MREG: variants seen among roughly 807,000 people sequenced by gnomAD.
MREG encodes the protein dilute suppressor protein homolog.
In MREG, 31 loss-of-function variants were observed where a neutral mutation model predicts 28.5. The ratio of observed to expected loss-of-function variants is 1.09; its 90% confidence interval spans 0.82 to 1.47. The LOEUF (loss-of-function observed/expected upper bound fraction) is 1.47. Ranked by LOEUF, MREG falls within the 40% of genes most tolerant of loss-of-function variation. The pLI is 0.00. For synonymous variants in MREG, 106 were observed against 95.2 expected (o/e 1.11, Z -0.66); for missense variants, 256 against 257.4 (o/e 0.99, Z 0.04).
chr2:215,960,081 G>A (rs527771094), intron 2 of MREG, among the ~76,000 whole-genome samples: 16 of 151,818 alleles, frequency 1.1e-4, no homozygotes, highest in East Asian at 3.9e-4. Context: ...TCAGCCTCCC[G>A]AGTAGTTGGG....
upstream of MREG, chr2:216,013,652 C>A (rs1289836363): frequency 2.0e-5 from 3 of 152,384 alleles, no homozygotes; most frequent in Non-Finnish European, 1.5e-5. Flanking sequence ...GAAGCAGGGA[C>A]TCCAGCCAGT....
chr2:216,014,986 A>G (rs141517505), upstream of MREG, among the ~76,000 whole-genome samples: 120 of 152,340 alleles, frequency 7.9e-4, no homozygotes, highest in Non-Finnish European at 1.4e-3. Context: ...CTTTACTCTA[A>G]TGGAGCAAAC....
intron 1 of MREG, among the ~76,000 whole-genome samples, chr2:216,023,480 C>T (rs1195703871): frequency 2.0e-5 from 3 of 152,160 alleles, no homozygotes; most frequent in Non-Finnish European, 4.4e-5. Context: ...CCTCTCTTTT[C>T]TTGGCTACCA....
rs1461202837 is a variant in MREG at position 215,947,005 on chromosome 2, A to C, written c.346+18T>G. 1.4e-6 allele frequency: 2 copies of C among 1,422,076 alleles called. No homozygotes were observed. The highest frequency in any genetic ancestry group is 2.8e-5 in the African/African-American group (2 of 70,912). The allele number at this position is 1,422,076 out of a possible 1,614,324, so 88.1% of individuals were successfully genotyped here. ...CAACGAGTTATTTTTACCATTTCAC[A>C]ATCTCTTTTAGACTTACCTAAATCT... On this transcript the variant is annotated intron_variant, in intron 3 of 4. Transcript: ENST00000263268.
In MREG at chr2:215,946,982, A is replaced by T. The variant is rs1692340292; in HGVS notation, c.346+41T>A. On this transcript the variant is annotated intron_variant, in intron 3 of 4. Transcript: ENST00000263268. ...GAGAAATTGAAGAATAATGATCACAACGAGTTATTTTTACCATTTCACAAT... is the reference window on the plus strand; with the variant it reads ...GAGAAATTGAAGAATAATGATCACATCGAGTTATTTTTACCATTTCACAAT... 4 of 1,146,694 alleles carry T rather than the reference A, an allele frequency of 3.5e-6. No homozygotes were observed. In the African/African-American group the frequency reaches 4.5e-5, roughly 13 times the overall value. The allele number at this position is 1,146,694 out of a possible 1,614,324, so 71.0% of individuals were successfully genotyped here. A position where few individuals can be genotyped will look rare whatever the true frequency, so the allele number is the denominator to read the frequency against.
chr2:216,015,482 CG>C (rs946923491), upstream of MREG, among the ~76,000 whole-genome samples: 2 of 152,048 alleles, frequency 1.3e-5, no homozygotes, highest in African/African-American at 4.8e-5. Context: ...GAACACGGGA[CG>C]TTGCAGGACA....
Position 215,996,308 on chromosome 2 carries a change from C to G in MREG, c.253G>C (p.Glu85Gln). 2.5e-6 allele frequency: 4 copies of G among 1,613,346 alleles called. No homozygotes were observed. Among genetic ancestry groups the G allele is most frequent in the Non-Finnish European group, 3.4e-6 (4 of 1,179,744 alleles). The change falls in exon 2 of 5, where the codon GAG becomes CAG. Residue 85 changes from glutamate (E) to glutamine (Q), a missense_variant and splice_region_variant. By Grantham distance (29) the Glu-to-Gln change is conservative. Transcript: ENST00000263268. ...GCAAGACATCAAAAGGTGCTCACCT[C>G]TGAGTCTTTGGCCTGCTGATTACGA... ...VIRNQQAKDS[E>Q]EWQKLNYDIH...
chr2:215,995,428 G>GA (rs1438388716), intron 2 of MREG, among the ~76,000 whole-genome samples: 1 of 151,782 alleles, frequency 6.6e-6, no homozygotes, highest in South Asian at 2.1e-4. Context: ...GTTTTTTTGG[G>GA]AAAAGAAAAG....
chr2:215,994,104 C>T (rs1487121449), intron 2 of MREG, among the ~76,000 whole-genome samples: 1 of 151,992 alleles, frequency 6.6e-6, no homozygotes, highest in African/African-American at 2.4e-5. Context: ...TATAAAGGCA[C>T]ATGCACATGT....
chr2:216,000,949 C>T (rs1693999942), intron 1 of MREG, among the ~76,000 whole-genome samples: 1 of 152,136 alleles, frequency 6.6e-6, no homozygotes, highest in Non-Finnish European at 1.5e-5. Context: ...ATCTCAGCTG[C>T]CTCCCTGGCC....
chr2:216,001,082 C>T (rs1272744731), intron 1 of MREG, among the ~76,000 whole-genome samples: 8 of 151,974 alleles, frequency 5.3e-5, no homozygotes, highest in African/African-American at 1.7e-4. Flanking sequence ...CTTTATTTCT[C>T]CTCTCCTCTC....
chr2:216,022,552 A>G (rs1453612623), intron 1 of MREG, among the ~76,000 whole-genome samples: 2 of 152,204 alleles, frequency 1.3e-5, no homozygotes, highest in African/African-American at 4.8e-5. Context: ...ATACTCCTAT[A>G]TTGAACTCTG....
chr2:216,022,908 G>A (rs1694547320), intron 1 of MREG, among the ~76,000 whole-genome samples: 1 of 152,224 alleles, frequency 6.6e-6, no homozygotes, highest in Non-Finnish European at 1.5e-5. Flanking sequence ...ACTGTAGTAG[G>A]AGAAAACCTG....
chr2:215,988,355 C>T (rs1693634235), intron 2 of MREG, among the ~76,000 whole-genome samples: 1 of 152,178 alleles, frequency 6.6e-6, no homozygotes, highest in South Asian at 2.1e-4. Flanking sequence ...TAATGGTGCA[C>T]TCCAGCCTAG....
chr2:216,026,524 C>A (rs1209889484), intron 1 of MREG, among the ~76,000 whole-genome samples: 1 of 151,982 alleles, frequency 6.6e-6, no homozygotes, highest in Admixed American at 6.6e-5. Flanking sequence ...CCATGCCCAG[C>A]TAATTTTTTT....
At chr2:215,949,560 C>CAA (rs539713640) in intron 2 of MREG, among the ~76,000 whole-genome samples, 2 of 108,356 alleles carry the variant, frequency 1.8e-5, no homozygotes. Flanking sequence ...GACTCTGTCT[C>CAA]AAAAAAAAAA....
intron 2 of MREG, among the ~76,000 whole-genome samples, chr2:215,952,362 C>T (rs942385028): frequency 3.3e-5 from 5 of 152,068 alleles, no homozygotes; most frequent in East Asian, 3.8e-4. Context: ...CACACACAGA[C>T]GGTAATGGAT....
At chr2:216,010,551 GT>G (rs1694274469) in intron 1 of MREG, among the ~76,000 whole-genome samples, 1 of 150,396 alleles carries the variant, frequency 6.6e-6, no homozygotes, top group Non-Finnish European at 1.5e-5. Context: ...TAGAGACGGG[GT>G]TTCACCGTGT....
chr2:216,031,643 G>GAA, intron 1 of MREG, among the ~76,000 whole-genome samples: 4 of 80,486 alleles, frequency 5.0e-5, no homozygotes, highest in Non-Finnish European at 2.7e-5. Context: ...AAGGAAGGAA[G>GAA]AAGAAAAGAA....
Sources: gnomAD v4.1 joint callset for allele counts (sites outside exome capture counted in the v4.1 genomes callset) on GRCh38, gnomAD v4.1.1 for gene constraint, MANE v1.5 for transcripts, NCBI Gene and HGNC (gene_info 2026-07-23, HGNC 2026-07-21) for gene names.